CCDC14: variants seen among roughly 807,000 people sequenced by gnomAD.
CCDC14 encodes coiled-coil domain-containing protein 14.
In CCDC14, 71 loss-of-function variants were observed where a neutral mutation model predicts 81.4. The ratio of observed to expected loss-of-function variants is 0.87; its 90% CI spans 0.72 to 1.06. CCDC14 has a LOEUF of 1.06. Ranked by LOEUF, CCDC14 falls within the 50% of genes least tolerant of loss-of-function variation. CCDC14 has a pLI of 0.00. For synonymous variants in CCDC14, 332 were observed against 364.8 expected (o/e 0.91, Z 1.03); for missense variants, 1,046 against 1,047.3 (o/e 1.00, Z 0.02).
chr3:123,891,291 G>C, the CCDC14 span, among the ~76,000 whole-genome samples: 1 of 152,210 alleles, frequency 6.6e-6, no homozygotes, highest in African/African-American at 2.4e-5. Flanking sequence ...TTTGGCTCCT[G>C]TTACTTATGC....
chr3:123,910,109 G>A (rs938231357), downstream of CCDC14, among the ~76,000 whole-genome samples: 1 of 152,014 alleles, frequency 6.6e-6, no homozygotes, highest in Non-Finnish European at 1.5e-5. Context: ...CTTAGTCTTC[G>A]AGGAAATGCT....
rs143997970 is a variant in CCDC14, at chr3:123,927,193, C to T, written c.1778+3909G>A. The stretch of plus-strand genomic sequence containing the variant: ...GGCCAAGGTGGGAGAACTGCTTGAG[C>T]CTAGAAGTTCAAGACCAGCTGGGGC... On this transcript the variant is annotated intron_variant, in intron 12 of 12. Transcript: ENST00000409697. Among the ~76,000 whole-genome samples, 5 of 151,042 alleles carry T rather than the reference C, an allele frequency of 3.3e-5. No homozygotes were observed. The East Asian group carries it at 7.8e-4, about 24-fold the overall frequency.
At chr3:123,892,637 G>A (rs10934653), downstream of CCDC14, among the ~76,000 whole-genome samples, 20,872 of 151,944 alleles carry the variant, frequency 0.14, 2,478 homozygotes, top group East Asian at 0.36. Context: ...AACAGCACAG[G>A]GGAAATCCAC....
At chr3:123,929,215 A>G (rs1400432347) in intron 12 of CCDC14, among the ~76,000 whole-genome samples, 1 of 151,904 alleles carries the variant, frequency 6.6e-6, no homozygotes, top group Non-Finnish European at 1.5e-5. Context: ...CTGACTCACT[A>G]TTTTTTTCTT....
intron 12 of CCDC14, among the ~76,000 whole-genome samples, chr3:123,921,701 G>A (rs1331501527): frequency 6.6e-6 from 1 of 152,002 alleles, no homozygotes; most frequent in Non-Finnish European, 1.5e-5. Flanking sequence ...AATTGTCTTG[G>A]GCCACACATA....
At chr3:123,924,243 G>C (rs2035230179) in intron 12 of CCDC14, among the ~76,000 whole-genome samples, 1 of 151,980 alleles carries the variant, frequency 6.6e-6, no homozygotes, top group South Asian at 2.1e-4. Flanking sequence ...ACGTACAGAA[G>C]AATGGAATTG....
Position 123,961,220 on chromosome 3 carries a change from CG to C in CCDC14, c.-48del, listed in dbSNP as rs993550010. The C allele has an allele frequency of 2.8e-5, 43 of 1,551,488 alleles. No individual in the cohort carries two copies. The highest frequency in any genetic ancestry group is 3.6e-5 in the Non-Finnish European group (41 of 1,147,014). ...CCAGACCGAGGGAAGTGAAGCCTCA[CG>C]GTAAAAAGAATTAACCGCCGTGGGC... On this transcript the variant is annotated 5_prime_UTR_variant, in exon 1 of 13. Transcript: ENST00000409697.
chr3:123,926,701 T>C (rs2682255), intron 12 of CCDC14, among the ~76,000 whole-genome samples: 13,927 of 151,852 alleles, frequency 0.092, 1,519 homozygotes, highest in East Asian at 0.35. Context: ...TCATTAAAGG[T>C]TGGAGAAGGA....
At chr3:123,949,871 A>G (rs2036909321) in intron 5 of CCDC14, among the ~76,000 whole-genome samples, 1 of 152,212 alleles carries the variant, frequency 6.6e-6, no homozygotes, top group Non-Finnish European at 1.5e-5. Context: ...TATTGTCTAT[A>G]GAAATCATAT....
rs1577342584 is a variant in CCDC14 at position 123,956,765 on chromosome 3, C to T, written c.61G>A (p.Ala21Thr). Reference sequence around the variant, plus strand: ...GCTTTCTTTCCATTTGTTAATTTAGCAGGTCCAGTGTGCCTTCCTGAAGAT... The same window carrying T: ...GCTTTCTTTCCATTTGTTAATTTAGTAGGTCCAGTGTGCCTTCCTGAAGAT... ...VLSSGRHTGP[A>T]KLTNGKKATY... is the part of the protein sequence containing the mutation. Residue 21 changes from alanine (A) to threonine (T), a missense_variant, in exon 2 of 13, where the codon GCT becomes ACT. Physicochemically the swap from Ala to Thr is moderately conservative, Grantham distance 58. Transcript: ENST00000409697. 1 of 1,547,342 alleles carries T rather than the reference C, an allele frequency of 6.5e-7. No homozygotes were observed.
At chr3:123,905,771 A>G (rs2034293425) in intron 5 of CCDC14, among the ~76,000 whole-genome samples, 1 of 152,186 alleles carries the variant, frequency 6.6e-6, no homozygotes, top group East Asian at 1.9e-4. Flanking sequence ...ATGTAAGCTC[A>G]CAGGGGAAAA....
intron 9 of CCDC14, among the ~76,000 whole-genome samples, chr3:123,942,246 G>A (rs2036387193): frequency 1.3e-5 from 2 of 152,012 alleles, no homozygotes. Flanking sequence ...CGAGTAAATA[G>A]CACCTATTTC....
At chr3:123,929,822 T>C (rs2035597420) in intron 12 of CCDC14, among the ~76,000 whole-genome samples, 1 of 152,236 alleles carries the variant, frequency 6.6e-6, no homozygotes, top group Non-Finnish European at 1.5e-5. Flanking sequence ...TGAATCTGCC[T>C]ATTCTGGACA....
the CCDC14 span, among the ~76,000 whole-genome samples, chr3:123,887,477 C>CAAA: frequency 2.0e-5 from 1 of 50,422 alleles, no homozygotes; most frequent in African/African-American, 1.4e-4. Flanking sequence ...ATAACAACAA[C>CAAA]AACAAAAAAA....
intron 10 of CCDC14, among the ~76,000 whole-genome samples, chr3:123,933,360 C>T (rs915280822): frequency 1.3e-5 from 2 of 152,098 alleles, no homozygotes. Context: ...AAAGTATGTA[C>T]AGTGTGATCT....
intron 12 of CCDC14, among the ~76,000 whole-genome samples, chr3:123,928,783 C>G (rs1559777308): frequency 2.0e-5 from 3 of 152,148 alleles, no homozygotes; most frequent in African/African-American, 7.2e-5. Flanking sequence ...ATGGCTAAAG[C>G]CACTCCATGT....
At chr3:123,890,542 A>C in the CCDC14 span, among the ~76,000 whole-genome samples, 20 of 152,322 alleles carry the variant, frequency 1.3e-4, no homozygotes, top group African/African-American at 4.8e-4. Flanking sequence ...GCCCCATGCA[A>C]GTCCGAAATC....
At chr3:123,900,894 A>C (rs1314521069) in intron 5 of CCDC14, among the ~76,000 whole-genome samples, 1 of 152,142 alleles carries the variant, frequency 6.6e-6, no homozygotes, top group East Asian at 1.9e-4. Context: ...AGTTTATATA[A>C]AGAAAGAATG....
intron 12 of CCDC14, among the ~76,000 whole-genome samples, chr3:123,928,316 T>G (rs1577257534): frequency 2.5e-5 from 3 of 119,172 alleles, no homozygotes; most frequent in African/African-American, 3.5e-5. Context: ...GCTAACATGG[T>G]GAAACCCAGT....
Sources: allele counts gnomAD v4.1 joint callset (sites outside exome capture counted in the v4.1 genomes callset), GRCh38; gene constraint gnomAD v4.1.1; transcripts MANE v1.5; gene names NCBI Gene and HGNC (gene_info 2026-07-23, HGNC 2026-07-21).